The following COLEC12 variants were observed in gnomAD, a reference collection of about 807,000 sequenced individuals.
The protein encoded by COLEC12 is collectin subfamily member 12.
A neutral mutation model predicts 71.1 loss-of-function variants in COLEC12; 33 were observed. The observed-to-expected ratio is 0.46, with a 90% CI of 0.35 to 0.62. The LOEUF (loss-of-function observed/expected upper bound fraction) is 0.62, where lower values mean the gene tolerates loss of function less well. Among genes scored for constraint, COLEC12 ranks in the 20% least tolerant of loss-of-function variants. The pLI is 0.00. For missense variants in COLEC12, 765 were observed against 916.1 expected, an observed-to-expected ratio of 0.84 and a Z score of 2.13; for synonymous variants, 350 against 353.0, an observed-to-expected ratio of 0.99 and a Z score of 0.10.
At chr18:467,004 T>A (rs1390567986) in intron 2 of COLEC12, among the ~76,000 whole-genome samples, 1 of 152,178 alleles carries the variant, frequency 6.6e-6, no homozygotes, top group Non-Finnish European at 1.5e-5. Context: ...ACCCAAGTAG[T>A]CAGTAAGGAA....
chr18:441,865 T>C (rs1916542643), intron 2 of COLEC12, among the ~76,000 whole-genome samples: 1 of 151,864 alleles, frequency 6.6e-6, no homozygotes, highest in Non-Finnish European at 1.5e-5. Context: ...CCAGGTGTGG[T>C]GGCACTTGCC....
At chr18:420,823 C>A (rs1298973146) in intron 2 of COLEC12, among the ~76,000 whole-genome samples, 1 of 152,106 alleles carries the variant, frequency 6.6e-6, no homozygotes, top group Non-Finnish European at 1.5e-5. Flanking sequence ...TCAAAGATAG[C>A]CAAGGGCCCA....
chr18:318,624 C>G lies in COLEC12; in HGVS notation c.*1421G>C, dbSNP rs992351505. ...TCTCCTGCCTCAGCCTCCTGAGTAGCTGGGATTACAGGCATGTGCCACTAC... is the reference window on the plus strand; with the variant it reads ...TCTCCTGCCTCAGCCTCCTGAGTAGGTGGGATTACAGGCATGTGCCACTAC... On this transcript the variant is annotated 3_prime_UTR_variant, in exon 10 of 10. Transcript: ENST00000400256. 2 of 150,656 alleles carry G rather than the reference C, an allele frequency of 1.3e-5. No individual in the cohort carries two copies. The highest frequency in any genetic ancestry group is 2.9e-5 in the Non-Finnish European group (2 of 68,002). 9.3% of individuals were successfully genotyped at this position (150,656 alleles called of 1,614,324 possible). A position where few individuals can be genotyped will look rare whatever the true frequency, so the allele number is the denominator to read the frequency against.
At chr18:340,294 A>T (rs1914221090) in intron 5 of COLEC12, among the ~76,000 whole-genome samples, 1 of 152,126 alleles carries the variant, frequency 6.6e-6, no homozygotes. Context: ...AAATGCCAGG[A>T]TACCCACGCG....
In COLEC12 at chr18:332,358, G is replaced by C. The variant is rs561612967; in HGVS notation, c.1954-581C>G. Among the ~76,000 whole-genome samples the C allele has an allele frequency of 7.2e-5, 11 of 152,374 alleles. No homozygotes were observed. In the South Asian group the frequency reaches 2.3e-3, roughly 32 times the overall value. On this transcript the variant is annotated intron_variant, in intron 7 of 9. Transcript: ENST00000400256. ...TGCTGGAGATAACTTAGGGAGAAGG[G>C]AGGAGGCCACTGGAATTGGTGTGGT...
At chr18:342,425 T>C (rs1914277055) in intron 5 of COLEC12, among the ~76,000 whole-genome samples, 1 of 152,260 alleles carries the variant, frequency 6.6e-6, no homozygotes, top group African/African-American at 2.4e-5. Flanking sequence ...AATGTCTATA[T>C]GGCTGAACTG....
chr18:382,029 G>C (rs1428392554), intron 2 of COLEC12, among the ~76,000 whole-genome samples: 1 of 152,074 alleles, frequency 6.6e-6, no homozygotes. Context: ...TGCAACCATG[G>C]GGGAGACAGA....
intron 2 of COLEC12, among the ~76,000 whole-genome samples, chr18:376,843 G>T (rs1039250366): frequency 3.3e-5 from 5 of 152,192 alleles, no homozygotes; most frequent in Admixed American, 6.5e-5. Context: ...AGGCACCTAT[G>T]ATTATCATGA....
intron 2 of COLEC12, among the ~76,000 whole-genome samples, chr18:443,156 T>C (rs1219245255): frequency 6.6e-6 from 1 of 152,238 alleles, no homozygotes; most frequent in Non-Finnish European, 1.5e-5. Flanking sequence ...ACATATTCTG[T>C]ATGTATATAT....
At chr18:491,480 G>C (rs1917618787) in intron 1 of COLEC12, among the ~76,000 whole-genome samples, 1 of 152,142 alleles carries the variant, frequency 6.6e-6, no homozygotes, top group South Asian at 2.1e-4. Flanking sequence ...TTTTGGGGAG[G>C]GAAATGTGAA....
Position 480,872 on chromosome 18 carries a change from C to T in COLEC12, c.8-115G>A. On this transcript the variant is annotated intron_variant, in intron 1 of 9. Transcript: ENST00000400256. The surrounding 1 kb of genome is among the most constrained non-coding windows in gnomAD (Gnocchi z 4.1). The stretch of plus-strand genomic sequence containing the variant: ...GCTTGTCACAGCAGCTTTCCTTCTG[C>T]TCGTGGATCGCACCAGGCTTTCTGG... 1 of 928,650 alleles carries T rather than the reference C, an allele frequency of 1.1e-6. No homozygotes were observed. The highest frequency in any genetic ancestry group is 2.4e-5 in the East Asian group (1 of 41,592). 57.5% of individuals were successfully genotyped at this position (928,650 alleles called of 1,614,324 possible). A position where few individuals can be genotyped will look rare whatever the true frequency, so the allele number is the denominator to read the frequency against.
At chr18:422,850 A>G (rs1017377595) in intron 2 of COLEC12, among the ~76,000 whole-genome samples, 4 of 152,190 alleles carry the variant, frequency 2.6e-5, no homozygotes, top group African/African-American at 9.7e-5. Context: ...CTCTCTTTAA[A>G]TTCCTACTTT....
chr18:330,691 T>C (rs1261874138), intron 8 of COLEC12, among the ~76,000 whole-genome samples: 3 of 152,008 alleles, frequency 2.0e-5, no homozygotes, highest in Non-Finnish European at 4.4e-5. Flanking sequence ...CCCTGGAGAC[T>C]TCTAGGTTAT....
intron 2 of COLEC12, among the ~76,000 whole-genome samples, chr18:429,254 G>A (rs1000553297): frequency 6.6e-6 from 1 of 152,012 alleles, no homozygotes; most frequent in Non-Finnish European, 1.5e-5. Flanking sequence ...TCTCTCCCAT[G>A]GTAATGATGC....
chr18:413,163 T>C (rs1405480880), intron 2 of COLEC12, among the ~76,000 whole-genome samples: 1 of 152,082 alleles, frequency 6.6e-6, no homozygotes, highest in South Asian at 2.1e-4. Flanking sequence ...AAAATACAAA[T>C]GATCTCATTT....
chr18:381,627 T>C (rs1049295423), intron 2 of COLEC12, among the ~76,000 whole-genome samples: 5 of 152,228 alleles, frequency 3.3e-5, no homozygotes, highest in East Asian at 1.9e-4. Flanking sequence ...ATTTCAGTTA[T>C]AGAAATAAAT....
At chr18:323,086 A>T (rs781563824) in intron 8 of COLEC12, among the ~76,000 whole-genome samples, 1 of 152,174 alleles carries the variant, frequency 6.6e-6, no homozygotes, top group South Asian at 2.1e-4. Context: ...TTAGCTGGGC[A>T]TGGTGGCAGG....
In COLEC12 at chr18:480,411, T is replaced by C. The variant is rs1917390748; in HGVS notation, c.58+296A>G. ...ATTTTGCTGTTGTCTTGTCACAGATTTGCCTTTCCCGCTACACTTTGTCTA... is the reference window on the plus strand; with the variant it reads ...ATTTTGCTGTTGTCTTGTCACAGATCTGCCTTTCCCGCTACACTTTGTCTA... On this transcript the variant is annotated intron_variant, in intron 2 of 9. Coordinates refer to ENST00000400256, the MANE Select transcript of COLEC12 (RefSeq NM_130386.3). The surrounding 1 kb of genome is among the most constrained non-coding windows in gnomAD (Gnocchi z 4.1). 6.6e-6 allele frequency among the ~76,000 whole-genome samples: 1 copy of C among 152,182 alleles called. No individual in the cohort carries two copies. The highest frequency in any genetic ancestry group is 2.4e-5 in the African/African-American group (1 of 41,442).
Position 378,782 on chromosome 18 carries a change from C to T in COLEC12, c.59-21260G>A, listed in dbSNP as rs116723484. ...GTGTACTTCTTCCCAATTTATTTCC[C>T]CTTTTCCTTTCTATTCCTAGATTGT... is the stretch of plus-strand genomic sequence containing the variant. On this transcript the variant is annotated intron_variant, in intron 2 of 9. Coordinates refer to ENST00000400256, the MANE Select transcript of COLEC12 (RefSeq NM_130386.3). Among the ~76,000 whole-genome samples the T allele has an allele frequency of 6.0e-3, 920 of 152,284 alleles. 11 individuals are homozygous for T. Among genetic ancestry groups the T allele is most frequent in the African/African-American group, 0.021 (881 of 41,550 alleles).
Sources: allele counts gnomAD v4.1 joint callset (sites outside exome capture counted in the v4.1 genomes callset), GRCh38; gene constraint gnomAD v4.1.1; non-coding constraint Gnocchi (gnomAD v3.1); transcripts MANE v1.5; gene names NCBI Gene and HGNC (gene_info 2026-07-23, HGNC 2026-07-21).